The following AGBL1 variants were observed in gnomAD, a reference collection of about 807,000 sequenced individuals.
The protein encoded by AGBL1 is cytosolic carboxypeptidase 4.
AGBL1 carries 130 observed loss-of-function variants against 118.9 expected under a neutral mutation model. The observed-to-expected ratio is 1.09, with a 90% CI of 0.95 to 1.26. The LOEUF (loss-of-function observed/expected upper bound fraction) is 1.26, where lower values mean the gene tolerates loss of function less well. Ranked by LOEUF, AGBL1 falls within the 50% of genes most tolerant of loss-of-function variation. The pLI is 0.00. For synonymous variants in AGBL1, 555 were observed against 478.9 expected (o/e 1.16, Z -2.08); for missense variants, 1,584 against 1,298.1 (o/e 1.22, Z -3.38).
chr15:86,415,221 T>A (rs1032323607), intron 18 of AGBL1, among the ~76,000 whole-genome samples: 1 of 152,106 alleles, frequency 6.6e-6, no homozygotes, highest in Non-Finnish European at 1.5e-5. Context: ...GAGCTTCCTG[T>A]AGGGAGGGTA....
At chr15:87,008,302 A>G (rs2081524631) in intron 24 of AGBL1, among the ~76,000 whole-genome samples, 1 of 152,150 alleles carries the variant, frequency 6.6e-6, no homozygotes, top group Non-Finnish European at 1.5e-5. Flanking sequence ...CGCTGTTCTC[A>G]TGACAGTTAA....
chr15:86,224,137 C>G (rs1532438), intron 5 of AGBL1, among the ~76,000 whole-genome samples: 43,786 of 151,988 alleles, frequency 0.29, 7,063 homozygotes, highest in Admixed American at 0.39. Flanking sequence ...ACAGAATCTT[C>G]TATTTTTTTA....
intron 17 of AGBL1, among the ~76,000 whole-genome samples, chr15:86,306,287 A>G (rs1456545005): frequency 6.6e-6 from 1 of 151,958 alleles, no homozygotes; most frequent in Non-Finnish European, 1.5e-5. Flanking sequence ...CCCATTAACC[A>G]TCTCCACCTC....
At chr15:86,567,305 G>A (rs2083930821) in intron 21 of AGBL1, among the ~76,000 whole-genome samples, 1 of 152,108 alleles carries the variant, frequency 6.6e-6, no homozygotes, top group South Asian at 2.1e-4. Flanking sequence ...TATAGGCTTA[G>A]CTACATCAAA....
At chr15:86,832,303 T>A (rs2079116018) in intron 22 of AGBL1, among the ~76,000 whole-genome samples, 1 of 152,242 alleles carries the variant, frequency 6.6e-6, no homozygotes, top group Non-Finnish European at 1.5e-5. Flanking sequence ...TTGAATTTCT[T>A]CTCAGAAAAT....
intron 18 of AGBL1, among the ~76,000 whole-genome samples, chr15:86,498,239 T>C (rs4310823): frequency 0.64 from 97,572 of 151,638 alleles, 32,430 homozygotes; most frequent in African/African-American, 0.8. Flanking sequence ...TTCCATATCT[T>C]GGTTTTATCT....
chr15:86,544,660 A>G (rs2083553732), intron 19 of AGBL1, among the ~76,000 whole-genome samples: 2 of 152,158 alleles, frequency 1.3e-5, no homozygotes, highest in Non-Finnish European at 2.9e-5. Flanking sequence ...CGCTATCAGG[A>G]GAACAGCATG....
chr15:87,018,070 A>G (rs1179237896), intron 24 of AGBL1, among the ~76,000 whole-genome samples: 1 of 152,184 alleles, frequency 6.6e-6, no homozygotes, highest in East Asian at 1.9e-4. Flanking sequence ...ATAAGAATAG[A>G]GAAAAATAAT....
rs2080366740 is a variant in AGBL1 at position 86,912,606 on chromosome 15, G to A, written c.*5312G>A. 1 of 152,156 alleles carries A rather than the reference G, an allele frequency of 6.6e-6. No homozygotes were observed. Among genetic ancestry groups the A allele is most frequent in the Non-Finnish European group, 1.5e-5 (1 of 68,040 alleles). 9.4% of individuals were successfully genotyped at this position (152,156 alleles called of 1,614,324 possible). On this transcript the variant is annotated 3_prime_UTR_variant, in exon 23 of 23. Coordinates refer to ENST00000614907, the MANE Select transcript of AGBL1 (RefSeq NM_001386094.1). ...CCTTGAGGGCTGCCAACACAAGGAA[G>A]GTCATATTACACCCTTTCATTTATC...
At chr15:86,588,178 G>A (rs908083628) in intron 21 of AGBL1, among the ~76,000 whole-genome samples, 10 of 152,128 alleles carry the variant, frequency 6.6e-5, no homozygotes, top group Admixed American at 5.2e-4. Context: ...TTATACCTTC[G>A]TTAATACAAT....
At chr15:86,564,264 G>A (rs1364689697) in intron 21 of AGBL1, among the ~76,000 whole-genome samples, 1 of 152,210 alleles carries the variant, frequency 6.6e-6, no homozygotes, top group Non-Finnish European at 1.5e-5. Flanking sequence ...TGCAGTGGCT[G>A]GTACTGGTTG....
chr15:86,659,207 G>C lies in AGBL1; in HGVS notation c.2995-15066G>C, dbSNP rs115684332. On this transcript the variant is annotated intron_variant, in intron 21 of 22. Coordinates refer to ENST00000614907, the MANE Select transcript of AGBL1 (RefSeq NM_001386094.1). ...TCCATGTTTCACTTCATCTGGCCTT[G>C]AATCTCCACTGAATGGCTATGTAGC... Among the ~76,000 whole-genome samples, 1,324 of 152,226 alleles carry C rather than the reference G, an allele frequency of 8.7e-3. 28 individuals carry two copies. The highest frequency in any genetic ancestry group is 0.03 in the African/African-American group (1,228 of 41,524).
Position 86,185,340 on chromosome 15 carries a change from T to C in AGBL1, c.488+26314T>C, listed in dbSNP as rs145963230. ...AAACTAGTTCAACCATTGTGGAAGA[T>C]AGTGTGGTGATTCCTCAAGGATCTA... is the stretch of plus-strand genomic sequence containing the variant. On this transcript the variant is annotated intron_variant, in intron 5 of 22. Coordinates refer to ENST00000614907, the MANE Select transcript of AGBL1 (RefSeq NM_001386094.1). Among the ~76,000 whole-genome samples, 1,468 of 152,218 alleles carry C rather than the reference T, an allele frequency of 9.6e-3. 22 individuals are homozygous for C. Among genetic ancestry groups the C allele is most frequent in the African/African-American group, 0.034 (1,411 of 41,532 alleles).
At chr15:86,387,276 G>A (rs1030061050) in intron 17 of AGBL1, among the ~76,000 whole-genome samples, 6 of 152,144 alleles carry the variant, frequency 3.9e-5, no homozygotes, top group African/African-American at 1.4e-4. Context: ...TGTGTTTTGG[G>A]AATAGTAAAA....
At chr15:86,797,147 G>A (rs1052807356) in intron 22 of AGBL1, among the ~76,000 whole-genome samples, 1 of 152,188 alleles carries the variant, frequency 6.6e-6, no homozygotes, top group Non-Finnish European at 1.5e-5. Flanking sequence ...GATATTTGTA[G>A]CACCTTGCCC....
At chr15:86,286,010 G>T (rs1215075690) in intron 16 of AGBL1, among the ~76,000 whole-genome samples, 3 of 151,818 alleles carry the variant, frequency 2.0e-5, no homozygotes, top group Non-Finnish European at 4.4e-5. Flanking sequence ...TTTAAAGTTT[G>T]ATATCAGGCA....
intron 23 of AGBL1, among the ~76,000 whole-genome samples, chr15:86,928,645 T>C (rs1833284421): frequency 6.6e-6 from 1 of 152,192 alleles, no homozygotes; most frequent in African/African-American, 2.4e-5. Context: ...GTACCATGCA[T>C]GTTTTCTGTA....
At chr15:86,192,130 A>C (rs1197114465) in intron 5 of AGBL1, among the ~76,000 whole-genome samples, 1 of 151,452 alleles carries the variant, frequency 6.6e-6, no homozygotes, top group Non-Finnish European at 1.5e-5. Context: ...ATACACACAC[A>C]CCCACACACA....
chr15:86,741,472 A>G (rs2077679244), intron 22 of AGBL1, among the ~76,000 whole-genome samples: 1 of 145,876 alleles, frequency 6.9e-6, no homozygotes. Context: ...ATGATGAATG[A>G]TTAGAAAGAA....
Sources: gnomAD v4.1 joint callset for allele counts (sites outside exome capture counted in the v4.1 genomes callset) on GRCh38, gnomAD v4.1.1 for gene constraint, MANE v1.5 for transcripts, NCBI Gene and HGNC (gene_info 2026-07-23, HGNC 2026-07-21) for gene names.